Variants in STK32B observed in about 807,000 individuals in gnomAD.
The protein encoded by STK32B is serine/threonine kinase 32B.
In STK32B, 43 loss-of-function variants were observed where a neutral mutation model predicts 52.6. That is an observed-to-expected ratio of 0.82 (90% CI 0.64 to 1.05). STK32B has a LOEUF of 1.05. Among genes scored for constraint, STK32B ranks in the 50% least tolerant of loss-of-function variants. The pLI is 0.00. For synonymous variants in STK32B, 238 were observed against 204.3 expected (o/e 1.17, Z -1.41); for missense variants, 621 against 534.6 (o/e 1.16, Z -1.59).
intron 3 of STK32B, among the ~76,000 whole-genome samples, chr4:5,196,284 CTCT>C (rs998145965): frequency 1.3e-4 from 19 of 146,238 alleles, no homozygotes; most frequent in Non-Finnish European, 1.8e-4. Context: ...CCGCGAGGTT[CTCT>C]TCTTCTTTCC....
At chr4:5,223,816 CAAA>C (rs1230344719) in intron 3 of STK32B, among the ~76,000 whole-genome samples, 6 of 100,672 alleles carry the variant, frequency 6.0e-5, no homozygotes, top group Non-Finnish European at 8.2e-5. Flanking sequence ...GACTCCGTTT[CAAA>C]AAAAAAAAAA....
At chr4:5,127,033 C>G (rs2108816835) in intron 1 of STK32B, 1 of 474,672 alleles carries the variant, frequency 2.1e-6, no homozygotes, top group South Asian at 1.5e-5. Flanking sequence ...GCTCAGAATG[C>G]TCAATGCTGA....
rs142420778 is a variant in STK32B at position 5,394,928 on chromosome 4, G to T, written c.435-3279G>T. 2.6e-3 allele frequency among the ~76,000 whole-genome samples: 394 copies of T among 152,284 alleles called. 1 individual carries two copies. Among genetic ancestry groups the T allele is most frequent in the African/African-American group, 8.6e-3 (356 of 41,560 alleles). ...CCATTTCCGTGGCCCAGGAGTCCAG[G>T]TGGGCTTAACTGGATCATCTGCATA... On this transcript the variant is annotated intron_variant, in intron 4 of 11. Coordinates refer to ENST00000282908, the MANE Select transcript of STK32B (RefSeq NM_018401.3). The surrounding 1 kb of genome is among the most constrained non-coding windows in gnomAD (Gnocchi z 4.2).
chr4:5,499,312 CA>C lies in STK32B; in HGVS notation c.*232del. 2.2e-6 allele frequency: 1 copy of C among 463,604 alleles called. No individual in the cohort carries two copies. Among genetic ancestry groups the C allele is most frequent in the East Asian group, 3.5e-5 (1 of 28,660 alleles). 28.7% of individuals were successfully genotyped at this position (463,604 alleles called of 1,614,324 possible). ...CTGTGCCTCCGTTTTCTGCATCTGC[CA>C]AAGGGGTTAAACACTTCTGCCCCAC... is the stretch of plus-strand genomic sequence containing the variant. On this transcript the variant is annotated 3_prime_UTR_variant, in exon 12 of 12. Transcript: ENST00000282908.
rs1052526367 is a variant in STK32B, at chr4:5,460,574, T to C, written c.909+346T>C. ...GAGTAGAGGAAGACAGGCAATGACCTACCCCGACAGGGCAGTCAGCACTTG... is the reference window on the plus strand; with the variant it reads ...GAGTAGAGGAAGACAGGCAATGACCCACCCCGACAGGGCAGTCAGCACTTG... On this transcript the variant is annotated intron_variant, in intron 9 of 11. Transcript: ENST00000282908. This position sits in a 1 kb window ranked among gnomAD's most constrained non-coding sequence, Gnocchi z 4.8. 1.2e-4 allele frequency among the ~76,000 whole-genome samples: 19 copies of C among 152,164 alleles called. No homozygotes were observed. The highest frequency in any genetic ancestry group is 4.6e-4 in the African/African-American group (19 of 41,436).
chr4:5,364,564 A>G (rs528098198), intron 4 of STK32B, among the ~76,000 whole-genome samples: 2 of 152,316 alleles, frequency 1.3e-5, no homozygotes, highest in Non-Finnish European at 2.9e-5. Context: ...GAGTCGCACA[A>G]CTAGCCAAGA....
At chr4:5,092,430 G>A (rs1271386090) in intron 1 of STK32B, among the ~76,000 whole-genome samples, 1 of 152,062 alleles carries the variant, frequency 6.6e-6, no homozygotes, top group East Asian at 1.9e-4. Flanking sequence ...TACTCGGGAG[G>A]CTGAGGCCGG....
At chr4:5,303,904 C>CA (rs58481369) in intron 3 of STK32B, among the ~76,000 whole-genome samples, 19,449 of 151,964 alleles carry the variant, frequency 0.13, 2,696 homozygotes, top group African/African-American at 0.35. Flanking sequence ...ATGGACTTGC[C>CA]ATTATCCCAG....
At chr4:5,488,175 G>A (rs193099437) in intron 11 of STK32B, among the ~76,000 whole-genome samples, 31 of 152,240 alleles carry the variant, frequency 2.0e-4, no homozygotes, top group Middle Eastern at 3.4e-3. Context: ...GCACATTCCC[G>A]TAATCCCAGC....
At chr4:5,222,910 C>G (rs1472312336) in intron 3 of STK32B, among the ~76,000 whole-genome samples, 1 of 152,160 alleles carries the variant, frequency 6.6e-6, no homozygotes, top group Non-Finnish European at 1.5e-5. Context: ...GTGCTATTCA[C>G]AAAGATAATA....
At chr4:5,217,153 C>G (rs1037065275) in intron 3 of STK32B, among the ~76,000 whole-genome samples, 1 of 152,146 alleles carries the variant, frequency 6.6e-6, no homozygotes, top group Non-Finnish European at 1.5e-5. Flanking sequence ...AACACCATGG[C>G]TCTGGGCCCC....
chr4:5,332,307 A>G (rs1355951601), intron 4 of STK32B, among the ~76,000 whole-genome samples: 2 of 152,264 alleles, frequency 1.3e-5, no homozygotes, highest in Non-Finnish European at 2.9e-5. Context: ...AGAGTGATCG[A>G]TGACTTAGGA....
chr4:5,395,446 C>G lies in STK32B; in HGVS notation c.435-2761C>G, dbSNP rs1736824973. Among the ~76,000 whole-genome samples, 1 of 152,184 alleles carries G rather than the reference C, an allele frequency of 6.6e-6. No homozygotes were observed. Among genetic ancestry groups the G allele is most frequent in the Admixed American group, 6.5e-5 (1 of 15,278 alleles). The stretch of plus-strand genomic sequence containing the variant: ...CTATTCAGATGTCAACCCAATGTCA[C>G]CACTTCTTAAAGGTCTTCCTGACCA... On this transcript the variant is annotated intron_variant, in intron 4 of 11. Coordinates refer to ENST00000282908, the MANE Select transcript of STK32B (RefSeq NM_018401.3). This position sits in a 1 kb window ranked among gnomAD's most constrained non-coding sequence, Gnocchi z 4.4.
chr4:5,019,391 C>CG, the STK32B span: 3 of 1,491,634 alleles, frequency 2.0e-6, no homozygotes, highest in Admixed American at 2.9e-5. Flanking sequence ...GGCCGCGCGG[C>CG]GGGGGCTCCC....
chr4:5,132,797 CTTT>C (rs528617198), intron 1 of STK32B, among the ~76,000 whole-genome samples: 3 of 145,250 alleles, frequency 2.1e-5, no homozygotes, highest in Non-Finnish European at 3.0e-5. Flanking sequence ...GAATTTACCA[CTTT>C]TTTTTTTTTT....
chr4:5,122,033 C>T (rs1364693175), intron 1 of STK32B, among the ~76,000 whole-genome samples: 1 of 152,250 alleles, frequency 6.6e-6, no homozygotes, highest in Non-Finnish European at 1.5e-5. Context: ...CCCATTCACT[C>T]ACTCATTCAT....
chr4:5,230,178 CTTTTTTTTTTTTTTTTT>C (rs752036100), intron 3 of STK32B, among the ~76,000 whole-genome samples: 1 of 71,122 alleles, frequency 1.4e-5, no homozygotes, highest in Non-Finnish European at 2.4e-5. Flanking sequence ...CATGCATTCC[CTTTTTTTTTTTTTTTTT>C]TTTTTTTTTT....
At chr4:5,476,177 G>C (rs1718224798) in intron 11 of STK32B, among the ~76,000 whole-genome samples, 1 of 152,106 alleles carries the variant, frequency 6.6e-6, no homozygotes, top group African/African-American at 2.4e-5. Flanking sequence ...TGGGATTACA[G>C]GTGTGAGCCA....
intron 1 of STK32B, 69 bp downstream of exon 1, chr4:5,051,984 C>T (rs1741806154): frequency 1.3e-6 from 2 of 1,546,238 alleles, no homozygotes; most frequent in Admixed American, 3.9e-5. Flanking sequence ...CTCGGCCGAG[C>T]CCTGCGGGGC....
Sources: allele counts gnomAD v4.1 joint callset (sites outside exome capture counted in the v4.1 genomes callset), GRCh38; gene constraint gnomAD v4.1.1; non-coding constraint Gnocchi (gnomAD v3.1); transcripts MANE v1.5; gene names NCBI Gene and HGNC (gene_info 2026-07-23, HGNC 2026-07-21).